GPR119: variants seen among roughly 807,000 people sequenced by gnomAD.
GPR119 encodes the protein G protein-coupled receptor 119.
GPR119 carries 7 observed loss-of-function variants against 13.3 expected under a neutral mutation model. The ratio of observed to expected loss-of-function variants is 0.53; its 90% CI spans 0.30 to 0.99. GPR119 has a LOEUF of 0.99. GPR119 is among the 50% of genes least tolerant of loss of function. GPR119 has a pLI of 0.06. For missense variants in GPR119, 197 were observed against 263.0 expected (o/e 0.75, Z 1.74); for synonymous variants, 107 against 112.5 (o/e 0.95, Z 0.31).
intron 1 of GPR119, among the ~76,000 whole-genome samples, chrX:130,383,272 T>C (rs752185905): frequency 8.9e-6 from 1 of 112,199 alleles, no homozygotes; most frequent in East Asian, 2.8e-4. Flanking sequence ...CTTGTCATTT[T>C]CTGTACCCCA....
In GPR119 at chrX:130,384,828, G is replaced by GTT. The variant is rs1375642012; in HGVS notation, c.619_620insAA (p.Ala207GlufsTer53). ...TGGGGATCGATAACCTCCAGCCATG[G>GTT]CTCCTGCATGTTCCATCTTTCGAAT... is the stretch of plus-strand genomic sequence containing the variant. On this transcript the variant is annotated frameshift_variant, in exon 1 of 2. Transcript: ENST00000682440. LOFTEE classifies it high-confidence loss of function. The GTT allele has an allele frequency of 4.1e-6, 5 of 1,210,511 alleles. No homozygotes were observed. The Admixed American group carries it at 1.1e-4, about 26-fold the overall frequency.
In GPR119 at chrX:130,382,300, G is replaced by T. The variant is rs1347679134; in HGVS notation, c.*256C>A. Among the ~76,000 whole-genome samples the T allele has an allele frequency of 9.0e-6, 1 of 111,262 alleles. No homozygotes were observed. Among genetic ancestry groups the T allele is most frequent in the African/African-American group, 3.3e-5 (1 of 30,587 alleles). Reference sequence around the variant, plus strand: ...TGAACCACCAGTAAGGAGGGCATTGGTTTGAGCCTGCTTTCAATTTTGTCC... The same window carrying T: ...TGAACCACCAGTAAGGAGGGCATTGTTTTGAGCCTGCTTTCAATTTTGTCC... On this transcript the variant is annotated 3_prime_UTR_variant, in exon 2 of 2. Coordinates refer to ENST00000682440, the MANE Select transcript of GPR119 (RefSeq NM_178471.3).
chrX:130,385,048 A>G lies in GPR119; in HGVS notation c.400T>C (p.Tyr134His). 8.3e-7 allele frequency: 1 copy of G among 1,212,071 alleles called. No individual in the cohort carries two copies. Among genetic ancestry groups the G allele is most frequent in the South Asian group, 1.8e-5 (1 of 57,019 alleles). Residue 134 changes from tyrosine to histidine, a missense_variant, in exon 1 of 2, where the codon TAC becomes CAC. Coordinates refer to ENST00000682440, the MANE Select transcript of GPR119 (RefSeq NM_178471.3). The stretch of plus-strand genomic sequence containing the variant: ...CCGAGTGGGAGGAAGCCAATGAGGT[A>G]AGACACTAACCACAGCCCGGCAATG... ...ACIAGLWLVS[Y>H]LIGFLPLGIP... is the part of the protein sequence containing the mutation.
Position 130,379,815 on chromosome X carries a change from C to A in GPR119, c.*2741G>T, listed in dbSNP as rs1271921141. On this transcript the variant is annotated 3_prime_UTR_variant, in exon 2 of 2. Coordinates refer to ENST00000682440, the MANE Select transcript of GPR119 (RefSeq NM_178471.3). ...ATGTTTGCAAAATTTTTTTAATGAACAAAAGTTGTTTTTATAATCGTAAAA... is the reference window on the plus strand; with the variant it reads ...ATGTTTGCAAAATTTTTTTAATGAAAAAAAGTTGTTTTTATAATCGTAAAA... 2.7e-5 allele frequency among the ~76,000 whole-genome samples: 3 copies of A among 111,817 alleles called. No individual in the cohort carries two copies. Among genetic ancestry groups the A allele is most frequent in the African/African-American group, 9.7e-5 (3 of 30,817 alleles).
chrX:130,384,676 G>C lies in GPR119; in HGVS notation c.772C>G (p.Leu258Val), dbSNP rs200481830. ...QVACQECHLY[L>V]VLERYLWLLG... ...AGCCACAGGTACCGTTCCAGCACTA[G>C]GTAGAGGTGACACTCCTGGCAGGCC... The change falls in exon 1 of 2, where the codon CTA becomes GTA. Residue 258 changes from leucine to valine, a missense_variant. Leu to Val is a conservative substitution (Grantham distance 32). Transcript: ENST00000682440. 3.5e-5 allele frequency: 42 copies of C among 1,210,153 alleles called. No homozygotes were observed. The highest frequency in any genetic ancestry group is 4.7e-5 in the Non-Finnish European group (42 of 895,238).
rs2034379375 is a variant in GPR119 at position 130,385,206 on chromosome X, C to T, written c.242G>A (p.Arg81Gln). The T allele has an allele frequency of 6.6e-6, 8 of 1,212,119 alleles. No homozygotes were observed. In the South Asian group the frequency reaches 7.0e-5, roughly 11 times the overall value. ...RPTQKTLCSLRMAFVTSSAAA... is the reference protein window; with the variant it reads ...RPTQKTLCSLQMAFVTSSAAA... ...TGCGGAGGAAGTGACAAATGCCATC[C>T]GCAGGCTGCACAGGGTCTTCTGTGT... Residue 81 changes from arginine to glutamine, a missense_variant, in exon 1 of 2, where the codon CGG becomes CAG. Arg to Gln is a conservative substitution (Grantham distance 43). Transcript: ENST00000682440.
intron 1 of GPR119, among the ~76,000 whole-genome samples, chrX:130,383,376 T>C (rs1486506330): frequency 8.9e-6 from 1 of 111,971 alleles, no homozygotes; most frequent in Non-Finnish European, 1.9e-5. Flanking sequence ...GAAGGAGCCC[T>C]GAGGAGCAAA....
At chrX:130,382,619 T>C (rs1478485358) in intron 1 of GPR119, among the ~76,000 whole-genome samples, 68 bp from the exon 2 acceptor site, 4 of 111,640 alleles carry the variant, frequency 3.6e-5, no homozygotes, top group Non-Finnish European at 7.5e-5. Context: ...AAACAGCCAT[T>C]TGGGCTGAAG....
At chrX:130,384,240 G>A (rs766126835) in intron 1 of GPR119, among the ~76,000 whole-genome samples, 196 bp downstream of exon 1, 2 of 111,943 alleles carry the variant, frequency 1.8e-5, no homozygotes, top group African/African-American at 6.5e-5. Context: ...GAGGAGTGGC[G>A]ATTTGAAAAT....
Position 130,385,324 on chromosome X carries a change from A to G in GPR119, c.124T>C (p.Cys42Arg), listed in dbSNP as rs2034380326. The G allele has an allele frequency of 1.6e-6, 2 of 1,212,176 alleles. No individual in the cohort carries two copies. The highest frequency in any genetic ancestry group is 1.1e-6 in the Non-Finnish European group (1 of 895,515). The change falls in exon 1 of 2, where the codon TGC becomes CGC. Residue 42 changes from cysteine to arginine, a missense_variant. Transcript: ENST00000682440. Reference protein sequence around the residue: ...LIHKNDGVSLCFTLNLAVADT... With the variant: ...LIHKNDGVSLRFTLNLAVADT... Reference sequence around the variant, plus strand: ...GCCACAGCCAGATTCAAGGTGAAGCAGAGACTGACACCATCATTCTTGTGG... The same window carrying G: ...GCCACAGCCAGATTCAAGGTGAAGCGGAGACTGACACCATCATTCTTGTGG...
At position 130,384,810 on chromosome X, in the gene GPR119, C is replaced by T; in HGVS notation, c.638G>A (p.Arg213Gln). The change falls in exon 1 of 2, where the codon CGA becomes CAA. Residue 213 changes from arginine (R) to glutamine (Q), a missense_variant. Coordinates refer to ENST00000682440, the MANE Select transcript of GPR119 (RefSeq NM_178471.3). ...EHAGAMAGGY[R>Q]SPRTPSDFKA... ...GAAGTCGCTGGGAGTCCGTGGGGAT[C>T]GATAACCTCCAGCCATGGCTCCTGC... 3 of 1,211,730 alleles carry T rather than the reference C, an allele frequency of 2.5e-6. No individual in the cohort carries two copies. Among genetic ancestry groups the T allele is most frequent in the African/African-American group, 1.7e-5 (1 of 57,778 alleles).
chrX:130,383,641 G>A (rs1235613902), intron 1 of GPR119, among the ~76,000 whole-genome samples: 2 of 112,539 alleles, frequency 1.8e-5, no homozygotes, highest in Non-Finnish European at 3.8e-5. Flanking sequence ...TGAGGTGTGC[G>A]AAAAGACAAG....
intron 1 of GPR119, among the ~76,000 whole-genome samples, chrX:130,383,946 A>G (rs2034369229): frequency 8.9e-6 from 1 of 112,571 alleles, no homozygotes; most frequent in African/African-American, 3.2e-5. Flanking sequence ...ATGAAAAAAA[A>G]ACCAGTATAA....
At chrX:130,384,389 T>C in intron 1 of GPR119, 47 bp downstream of exon 1, 1 of 1,133,510 alleles carries the variant, frequency 8.8e-7, no homozygotes, top group Non-Finnish European at 1.2e-6. Context: ...TAGTTGGGGC[T>C]CCAGAGTGGG....
chrX:130,383,502 C>T (rs2034367246), intron 1 of GPR119, among the ~76,000 whole-genome samples: 1 of 112,050 alleles, frequency 8.9e-6, no homozygotes, highest in Non-Finnish European at 1.9e-5. Flanking sequence ...CAAGTAGCCA[C>T]AAGTGACATA....
rs1027627840 is a variant in GPR119 at position 130,381,841 on chromosome X, C to T, written c.*715G>A. On this transcript the variant is annotated 3_prime_UTR_variant, in exon 2 of 2. Coordinates refer to ENST00000682440, the MANE Select transcript of GPR119 (RefSeq NM_178471.3). The stretch of plus-strand genomic sequence containing the variant: ...CTTCAATATAACCATGTAAAGTAGG[C>T]ATTATTACCCCGGTTTGATGAATGC... Among the ~76,000 whole-genome samples the T allele has an allele frequency of 3.6e-5, 4 of 111,279 alleles. No homozygotes were observed. The highest frequency in any genetic ancestry group is 7.5e-5 in the Non-Finnish European group (4 of 53,078).
Position 130,380,295 on chromosome X carries a change from T to A in GPR119, c.*2261A>T, listed in dbSNP as rs2034353216. ...TCAAGGTCATGAGTTCAATTCCCAT[T>A]TGAACCAGTTAACACTTCTCCTTCT... On this transcript the variant is annotated 3_prime_UTR_variant, in exon 2 of 2. Coordinates refer to ENST00000682440, the MANE Select transcript of GPR119 (RefSeq NM_178471.3). Among the ~76,000 whole-genome samples the A allele has an allele frequency of 8.9e-6, 1 of 112,238 alleles. No homozygotes were observed. Among genetic ancestry groups the A allele is most frequent in the Non-Finnish European group, 1.9e-5 (1 of 53,251 alleles).
rs1297353768 is a variant in GPR119, at chrX:130,380,858, C to T, written c.*1698G>A. On this transcript the variant is annotated 3_prime_UTR_variant, in exon 2 of 2. Transcript: ENST00000682440. ...TCTTAAAACAAAAACACCACAAATT[C>T]ACAGTAAGCTGTTCATGGAAATAAT... is the stretch of plus-strand genomic sequence containing the variant. Among the ~76,000 whole-genome samples, 1 of 112,027 alleles carries T rather than the reference C, an allele frequency of 8.9e-6. No individual in the cohort carries two copies. The highest frequency in any genetic ancestry group is 2.8e-4 in the East Asian group (1 of 3,583).
Position 130,385,564 on chromosome X carries a change from CT to C in GPR119, c.-118del. 1.4e-6 allele frequency: 1 copy of C among 716,668 alleles called. No homozygotes were observed. Among genetic ancestry groups the C allele is most frequent in the African/African-American group, 2.1e-5 (1 of 47,418 alleles). The allele number at this position is 716,668 out of a possible 1,213,427, so 59.1% of individuals were successfully genotyped here. A position where few individuals can be genotyped will look rare whatever the true frequency, so the allele number is the denominator to read the frequency against. On this transcript the variant is annotated 5_prime_UTR_variant, in exon 1 of 2. It removes the in-frame stop codon of an upstream open reading frame in the 5' UTR. Transcript: ENST00000682440. ...AGCTACAGCACGATTCTGGCCTTCG[CT>C]GGCAGTCCAGGCTGGCAGGTCGCCA...
Sources: gnomAD v4.1 joint callset for allele counts (sites outside exome capture counted in the v4.1 genomes callset) on GRCh38, gnomAD v4.1.1 for gene constraint, MANE v1.5 for transcripts, NCBI Gene and HGNC (gene_info 2026-07-23, HGNC 2026-07-21) for gene names.